ZNF536: variants seen among roughly 807,000 people sequenced by gnomAD.
ZNF536 encodes zinc finger protein 536.
In ZNF536, 13 loss-of-function variants were observed where a neutral mutation model predicts 84.5. That is an observed-to-expected ratio of 0.15 (90% CI 0.10 to 0.24). The LOEUF (loss-of-function observed/expected upper bound fraction) is 0.24. Among genes scored for constraint, ZNF536 ranks in the 10% least tolerant of loss-of-function variants. The pLI, the probability that ZNF536 is intolerant of heterozygous loss-of-function variation, is 1.00. For missense variants in ZNF536, 1,536 were observed against 1,747.5 expected (o/e 0.88, Z 2.16); for synonymous variants, 811 against 742.5 (o/e 1.09, Z -1.50).
At chr19:30,302,589 C>T (rs533830995) in intron 2 of ZNF536, among the ~76,000 whole-genome samples, 1 of 152,266 alleles carries the variant, frequency 6.6e-6, no homozygotes, top group East Asian at 1.9e-4. Context: ...CTGTGGGGCA[C>T]TCTCAAGAGA....
chr19:30,399,064 G>A (rs10421439), intron 1 of ZNF536, among the ~76,000 whole-genome samples: 1 of 152,062 alleles, frequency 6.6e-6, no homozygotes, highest in Admixed American at 6.6e-5. Flanking sequence ...TTCTCCACAT[G>A]CTCTCTAACG....
intron 3 of ZNF536, among the ~76,000 whole-genome samples, chr19:30,358,853 C>T (rs1230274802): frequency 6.6e-6 from 1 of 152,186 alleles, no homozygotes; most frequent in African/African-American, 2.4e-5. Context: ...CAGGCTGGGG[C>T]ACGTTTTGGA....
intron 1 of ZNF536, among the ~76,000 whole-genome samples, chr19:30,622,061 C>T (rs1217666452): frequency 1.3e-5 from 2 of 152,164 alleles, no homozygotes; most frequent in African/African-American, 2.4e-5. Context: ...ATCAACTTCC[C>T]GGCTTGAAAC....
At chr19:30,544,892 C>G (rs1378082981) in intron 3 of ZNF536, among the ~76,000 whole-genome samples, 3 of 152,146 alleles carry the variant, frequency 2.0e-5, no homozygotes, top group Non-Finnish European at 4.4e-5. Flanking sequence ...GTCCCAAGAC[C>G]AGGATTCTGT....
At chr19:30,401,638 C>A (rs549784245) in intron 1 of ZNF536, among the ~76,000 whole-genome samples, 1 of 152,118 alleles carries the variant, frequency 6.6e-6, no homozygotes, top group African/African-American at 2.4e-5. Context: ...GGGTAAAAAC[C>A]GTAAGTAAAC....
At chr19:30,421,024 G>A (rs528939434) in intron 1 of ZNF536, among the ~76,000 whole-genome samples, 1 of 152,194 alleles carries the variant, frequency 6.6e-6, no homozygotes, top group South Asian at 2.1e-4. Flanking sequence ...CTTCTTTCCC[G>A]TGGCTTTGAG....
chr19:30,385,357 C>G (rs905683440), intron 1 of ZNF536, among the ~76,000 whole-genome samples: 2 of 152,138 alleles, frequency 1.3e-5, no homozygotes, highest in African/African-American at 4.8e-5. Flanking sequence ...TGCCTGGGGC[C>G]TGGGTGCCCT....
chr19:30,292,549 G>A (rs1453867303), intron 2 of ZNF536, among the ~76,000 whole-genome samples: 1 of 152,016 alleles, frequency 6.6e-6, no homozygotes, highest in Non-Finnish European at 1.5e-5. Context: ...TTGAACCACT[G>A]ACCTCAAGCG....
chr19:30,466,725 G>A (rs1286456239), intron 2 of ZNF536, among the ~76,000 whole-genome samples: 1 of 142,590 alleles, frequency 7.0e-6, no homozygotes, highest in Non-Finnish European at 1.5e-5. Flanking sequence ...AGGAAGGAAG[G>A]AAGGAGGGAG....
chr19:30,290,198 C>G (rs577822067), intron 2 of ZNF536, among the ~76,000 whole-genome samples: 3 of 152,204 alleles, frequency 2.0e-5, no homozygotes, highest in Non-Finnish European at 4.4e-5. Flanking sequence ...TGGCCTGTGA[C>G]AGAATTACCT....
intron 1 of ZNF536, among the ~76,000 whole-genome samples, chr19:30,412,287 T>C (rs1345277860): frequency 2.0e-5 from 3 of 152,008 alleles, no homozygotes; most frequent in Admixed American, 2.0e-4. Flanking sequence ...ACAGAGTGTC[T>C]TGTTGCTAGC....
chr19:30,316,106 G>A (rs2046670051), intron 2 of ZNF536, among the ~76,000 whole-genome samples: 1 of 152,160 alleles, frequency 6.6e-6, no homozygotes, highest in Non-Finnish European at 1.5e-5. Context: ...CGGTAAACAA[G>A]TTTGGGTATT....
intron 1 of ZNF536, among the ~76,000 whole-genome samples, chr19:30,277,308 C>T (rs1285165274): frequency 6.6e-6 from 1 of 151,976 alleles, no homozygotes; most frequent in Non-Finnish European, 1.5e-5. Flanking sequence ...CATGCTAAAG[C>T]ATGTAAAAAT....
chr19:30,648,497 C>G (rs1362753475), intron 1 of ZNF536, among the ~76,000 whole-genome samples: 2 of 152,162 alleles, frequency 1.3e-5, no homozygotes, highest in African/African-American at 4.8e-5. Context: ...GGTGTGAGCC[C>G]CCACCCCTCC....
At chr19:30,385,579 G>A (rs927138199) in intron 1 of ZNF536, among the ~76,000 whole-genome samples, 1 of 151,766 alleles carries the variant, frequency 6.6e-6, no homozygotes, top group African/African-American at 2.4e-5. Context: ...ATCCGGACTT[G>A]ACATTCAAGG....
chr19:30,707,524 G>A (rs1344543468), intron 1 of ZNF536, among the ~76,000 whole-genome samples: 2 of 152,088 alleles, frequency 1.3e-5, no homozygotes, highest in African/African-American at 2.4e-5. Flanking sequence ...CGTGCTAGCT[G>A]TGCTCTTCCT....
intron 1 of ZNF536, among the ~76,000 whole-genome samples, chr19:30,396,295 G>A: frequency 6.6e-6 from 1 of 152,162 alleles, no homozygotes; most frequent in Non-Finnish European, 1.5e-5. Context: ...TTTCAAATAA[G>A]AGATCACATG....
intron 1 of ZNF536, among the ~76,000 whole-genome samples, chr19:30,662,145 G>A (rs552013463): frequency 2.0e-5 from 3 of 152,200 alleles, no homozygotes; most frequent in Non-Finnish European, 4.4e-5. Flanking sequence ...TCTGCCTCCC[G>A]GCTCCCGGAT....
At chr19:30,348,428 T>A (rs2047818745) in intron 2 of ZNF536, among the ~76,000 whole-genome samples, 1 of 152,142 alleles carries the variant, frequency 6.6e-6, no homozygotes, top group Non-Finnish European at 1.5e-5. Flanking sequence ...ACTGTAGAAT[T>A]CAAATGTCCC....
Sources: gnomAD v4.1 joint callset for allele counts (sites outside exome capture counted in the v4.1 genomes callset) on GRCh38, gnomAD v4.1.1 for gene constraint, MANE v1.5 for transcripts, NCBI Gene and HGNC (gene_info 2026-07-23, HGNC 2026-07-21) for gene names.